Variants in CNDP1 observed in about 807,000 individuals in gnomAD.
The protein encoded by CNDP1 is beta-Ala-His dipeptidase.
Under a neutral mutation model 58.1 loss-of-function variants are expected in CNDP1, and 44 were observed. The ratio of observed to expected loss-of-function variants is 0.76; its 90% confidence interval spans 0.60 to 0.97. CNDP1 has a LOEUF of 0.97. Ranked by LOEUF, CNDP1 falls within the 50% of genes least tolerant of loss-of-function variation. The pLI, the probability that CNDP1 is intolerant of heterozygous loss-of-function variation, is 0.00. For synonymous variants in CNDP1, 254 were observed against 252.6 expected, an observed-to-expected ratio of 1.01 and a Z score of -0.05; for missense variants, 616 against 655.1, an observed-to-expected ratio of 0.94 and a Z score of 0.65.
intron 1 of CNDP1, among the ~76,000 whole-genome samples, chr18:74,548,718 C>G (rs1980825467): frequency 6.6e-6 from 1 of 152,210 alleles, no homozygotes; most frequent in South Asian, 2.1e-4. Flanking sequence ...TTTGCAACTT[C>G]TTAGAGACTG....
intron 1 of CNDP1, among the ~76,000 whole-genome samples, chr18:74,539,313 C>T (rs1296649056): frequency 6.6e-6 from 1 of 152,146 alleles, no homozygotes; most frequent in East Asian, 1.9e-4. Context: ...TTTCCCAGAG[C>T]CTGGATTTCT....
chr18:74,580,148 G>T lies in CNDP1; in HGVS notation c.1186G>T (p.Asp396Tyr), dbSNP rs764084749. The T allele has an allele frequency of 6.2e-7, 1 of 1,613,510 alleles. No homozygotes were observed. Among genetic ancestry groups the T allele is most frequent in the Non-Finnish European group, 8.5e-7 (1 of 1,179,730 alleles). The change falls in exon 10 of 12, where the codon GAT becomes TAT. Residue 396 changes from aspartate to tyrosine, a missense_variant. Asp to Tyr is a radical substitution (Grantham distance 160). Coordinates refer to ENST00000358821, the MANE Select transcript of CNDP1 (RefSeq NM_032649.6). ...CTTTTAGGTGACACGACATCTTGAA[G>T]ATGTGTTCTCCAAAAGAAATAGTTC... The part of the protein sequence containing the change: ...VEKQVTRHLE[D>Y]VFSKRNSSNK...
intron 1 of CNDP1, among the ~76,000 whole-genome samples, chr18:74,537,750 G>A (rs886099116): frequency 2.0e-5 from 3 of 152,162 alleles, no homozygotes; most frequent in African/African-American, 7.2e-5. Flanking sequence ...GGCAAAGAGT[G>A]GTACCTGGGA....
intron 6 of CNDP1, among the ~76,000 whole-genome samples, chr18:74,569,879 T>G (rs1981427149): frequency 6.6e-6 from 1 of 151,854 alleles, no homozygotes; most frequent in Non-Finnish European, 1.5e-5. Flanking sequence ...ACAAACAAAG[T>G]AACATTTACC....
chr18:74,560,722 G>T (rs1981170430), intron 3 of CNDP1, 134 bp from the exon 4 acceptor site: 1 of 820,388 alleles, frequency 1.2e-6, no homozygotes. Flanking sequence ...TGTTTCATGG[G>T]ACTCATTTTA....
rs536946323 is a variant in CNDP1, at chr18:74,551,624, G to A, written c.25-4714G>A. On this transcript the variant is annotated intron_variant, in intron 1 of 11. Transcript: ENST00000358821. ...CCCCTTGTCAGACCCCTGCTGTCAG[G>A]GCCACTGTCAGGTCAGGGCATCAGG... is the stretch of plus-strand genomic sequence containing the variant. Among the ~76,000 whole-genome samples, 13 of 152,242 alleles carry A rather than the reference G, an allele frequency of 8.5e-5. No individual in the cohort carries two copies. The South Asian group carries it at 2.5e-3, about 29-fold the overall frequency.
At position 74,570,124 on chromosome 18, in the gene CNDP1, G is replaced by A. The variant is rs566682127; in HGVS notation, c.757-1062G>A. Among the ~76,000 whole-genome samples, 425 of 150,628 alleles carry A rather than the reference G, an allele frequency of 2.8e-3. 4 individuals are homozygous for A. The highest frequency in any genetic ancestry group is 0.023 in the Admixed American group (350 of 15,146). On this transcript the variant is annotated intron_variant, in intron 6 of 11. Transcript: ENST00000358821. ...TGAGGCAGAAGAATTGCTTGAAGCT[G>A]GGAGGCGGAGATTGCAGTGAGCTGA...
intron 6 of CNDP1, among the ~76,000 whole-genome samples, chr18:74,567,802 C>T (rs1485868971): frequency 1.3e-5 from 2 of 152,210 alleles, no homozygotes; most frequent in Non-Finnish European, 2.9e-5. Flanking sequence ...GTGTCCTGCT[C>T]CCAGCGTGGG....
intron 1 of CNDP1, among the ~76,000 whole-genome samples, chr18:74,540,478 T>TC (rs1478042512): frequency 6.6e-6 from 1 of 152,156 alleles, no homozygotes; most frequent in African/African-American, 2.4e-5. Context: ...GAATTTCTGA[T>TC]CTGACCTTGA....
Position 74,562,056 on chromosome 18 carries a change from A to G in CNDP1, c.476A>G (p.Tyr159Cys). ...TCTCCCCTTTTTAAAGGGAAACTTT[A>G]TGGACGAGGAGCGACCGACAACAAA... Reference protein sequence around the residue: ...YVLTEVDGKLYGRGATDNKGP... With the variant: ...YVLTEVDGKLCGRGATDNKGP... Residue 159 changes from tyrosine to cysteine, a missense_variant, in exon 5 of 12, where the codon TAT (tyrosine) becomes TGT (cysteine). Transcript: ENST00000358821. 5 of 1,613,972 alleles carry G rather than the reference A, an allele frequency of 3.1e-6. No homozygotes were observed. The highest frequency in any genetic ancestry group is 4.2e-6 in the Non-Finnish European group (5 of 1,179,902).
intron 6 of CNDP1, among the ~76,000 whole-genome samples, chr18:74,568,648 A>T (rs1453257669): frequency 6.6e-6 from 1 of 152,164 alleles, no homozygotes; most frequent in African/African-American, 2.4e-5. Context: ...GGCTTTGGGT[A>T]GGTAGAGAGC....
chr18:74,539,361 C>T (rs901773643), intron 1 of CNDP1, among the ~76,000 whole-genome samples: 4 of 152,182 alleles, frequency 2.6e-5, no homozygotes, highest in African/African-American at 9.6e-5. Flanking sequence ...TCCACTTCTC[C>T]TGCACACTGT....
chr18:74,551,466 C>T (rs17089382), intron 1 of CNDP1, among the ~76,000 whole-genome samples: 21,651 of 151,794 alleles, frequency 0.14, 1,689 homozygotes, highest in African/African-American at 0.19. Flanking sequence ...ATGGTGAAGG[C>T]GGGATTCATG....
chr18:74,546,613 G>C (rs1293122990), intron 1 of CNDP1, among the ~76,000 whole-genome samples: 1 of 152,182 alleles, frequency 6.6e-6, no homozygotes, highest in Non-Finnish European at 1.5e-5. Flanking sequence ...TGTGTCCTGA[G>C]CCAGCCAGTT....
At chr18:74,560,719 T>C (rs1047480745) in intron 3 of CNDP1, 137 bp from the exon 4 acceptor site, 2 of 811,854 alleles carry the variant, frequency 2.5e-6, no homozygotes, top group Admixed American at 4.5e-5. Flanking sequence ...AAGTGTTTCA[T>C]GGGACTCATT....
In CNDP1 at chr18:74,576,915, T is replaced by G. The variant is rs755986301; in HGVS notation, c.888T>G (p.Tyr296Ter). 2 of 1,613,542 alleles carry G rather than the reference T, an allele frequency of 1.2e-6. No homozygotes were observed. The highest frequency in any genetic ancestry group is 1.7e-6 in the Non-Finnish European group (2 of 1,179,784). Residue 296 changes from tyrosine to a stop codon, truncating the protein, a stop_gained, in exon 8 of 12, where the codon TAT (tyrosine) becomes TAG (stop). Coordinates refer to ENST00000358821, the MANE Select transcript of CNDP1 (RefSeq NM_032649.6). LOFTEE classifies it high-confidence loss of function. ...SSGHILVPGI[Y>*]DEVVPLTEEE... ...GTCATATCCTGGTCCCTGGAATCTA[T>G]GATGAAGTGGTTCCTCTTACAGAAG...
At chr18:74,540,548 G>C (rs1213789757) in intron 1 of CNDP1, among the ~76,000 whole-genome samples, 2 of 152,192 alleles carry the variant, frequency 1.3e-5, no homozygotes, top group Non-Finnish European at 2.9e-5. Flanking sequence ...AAGAGGGAAT[G>C]GCAACAGCTC....
At chr18:74,544,900 G>A (rs1413904082) in intron 1 of CNDP1, among the ~76,000 whole-genome samples, 1 of 152,106 alleles carries the variant, frequency 6.6e-6, no homozygotes, top group African/African-American at 2.4e-5. Context: ...CTGGAGTAGA[G>A]TGGGCCCTAA....
chr18:74,556,407 C>T lies in CNDP1; in HGVS notation c.94C>T (p.Pro32Ser), dbSNP rs752909705. 2.5e-6 allele frequency: 4 copies of T among 1,614,240 alleles called. No homozygotes were observed. The highest frequency in any genetic ancestry group is 4.5e-5 in the East Asian group (2 of 44,888). ...RGMFSSPSPP[P>S]ALLEKVFQYI... is the part of the protein sequence containing the mutation. ...CATGTTCTCCTCACCCTCCCCGCCC[C>T]CGGCGCTGTTAGAGAAAGTCTTCCA... is the stretch of plus-strand genomic sequence containing the variant. Residue 32 changes from proline (P) to serine (S), a missense_variant, in exon 2 of 12, where the codon CCG becomes TCG. By Grantham distance (74) the Pro-to-Ser change is moderately conservative (BLOSUM62 -1). Transcript: ENST00000358821.
Sources: allele counts gnomAD v4.1 joint callset (sites outside exome capture counted in the v4.1 genomes callset), GRCh38; gene constraint gnomAD v4.1.1; transcripts MANE v1.5; gene names NCBI Gene and HGNC (gene_info 2026-07-23, HGNC 2026-07-21).